Variants in MNAT1 observed in about 807,000 individuals in gnomAD.
The protein encoded by MNAT1 is CDK-activating kinase assembly factor MAT1.
In MNAT1, 43 loss-of-function variants were observed where a neutral mutation model predicts 42.0. The ratio of observed to expected loss-of-function variants is 1.02; its 90% CI spans 0.80 to 1.32. The LOEUF (loss-of-function observed/expected upper bound fraction) is 1.32. MNAT1 is among the 40% of genes most tolerant of loss of function. The probability of loss-of-function intolerance (pLI) is 0.00; values close to 1 mark genes in which losing one functional copy is unlikely to be tolerated. For missense variants in MNAT1, 306 were observed against 350.4 expected (o/e 0.87, Z 1.01); for synonymous variants, 118 against 120.0 (o/e 0.98, Z 0.11).
intron 7 of MNAT1, among the ~76,000 whole-genome samples, chr14:60,965,384 A>G (rs1449520262): frequency 6.6e-6 from 1 of 152,226 alleles, no homozygotes; most frequent in Non-Finnish European, 1.5e-5. Flanking sequence ...ATAAAGCTGA[A>G]CTGTTTTATA....
intron 3 of MNAT1, among the ~76,000 whole-genome samples, chr14:60,804,942 T>C (rs191477703): frequency 1.3e-5 from 2 of 152,212 alleles, no homozygotes; most frequent in Admixed American, 6.5e-5. Flanking sequence ...ACAGTGTTTT[T>C]TAAACTGTTT....
At chr14:60,922,495 T>C (rs2035682205) in intron 7 of MNAT1, among the ~76,000 whole-genome samples, 1 of 152,142 alleles carries the variant, frequency 6.6e-6, no homozygotes, top group African/African-American at 2.4e-5. Flanking sequence ...TGATTACCAA[T>C]GTTGTAGTTA....
At chr14:60,880,010 C>T (rs745516921) in intron 7 of MNAT1, 175 bp downstream of exon 7, 43 of 481,146 alleles carry the variant, frequency 8.9e-5, no homozygotes, top group Non-Finnish European at 1.3e-4. Context: ...TTTCTGTGGA[C>T]TTGTTAGGTC....
intron 7 of MNAT1, among the ~76,000 whole-genome samples, chr14:60,917,201 G>T (rs145171876): frequency 6.6e-6 from 1 of 152,150 alleles, no homozygotes; most frequent in Non-Finnish European, 1.5e-5. Flanking sequence ...AGAGGTTGGC[G>T]TAGCCTCAGG....
chr14:60,869,397 T>C (rs1324655212), intron 6 of MNAT1, among the ~76,000 whole-genome samples: 2 of 152,082 alleles, frequency 1.3e-5, no homozygotes, highest in Non-Finnish European at 2.9e-5. Flanking sequence ...AGCAGCTTTT[T>C]GGTGCCAAGC....
intron 7 of MNAT1, among the ~76,000 whole-genome samples, chr14:60,955,867 A>G (rs1566578633): frequency 2.0e-5 from 3 of 151,000 alleles, no homozygotes; most frequent in Admixed American, 1.3e-4. Context: ...CTCCTCCTTC[A>G]TTTCTAATTT....
At chr14:60,770,168 A>C (rs2030997282) in intron 1 of MNAT1, among the ~76,000 whole-genome samples, 1 of 152,152 alleles carries the variant, frequency 6.6e-6, no homozygotes, top group African/African-American at 2.4e-5. Flanking sequence ...TACTTCATAC[A>C]AGTGGAATTA....
chr14:60,945,354 GA>G (rs1013422120), intron 7 of MNAT1, among the ~76,000 whole-genome samples: 42 of 145,996 alleles, frequency 2.9e-4, no homozygotes, highest in African/African-American at 9.5e-4. Context: ...CCCTTTGCCA[GA>G]AAAAAAAAAT....
rs571925999 is a variant in MNAT1 at position 60,839,737 on chromosome 14, G to A, written c.687+20890G>A. Among the ~76,000 whole-genome samples the A allele has an allele frequency of 3.3e-5, 5 of 152,338 alleles. No homozygotes were observed. In the East Asian group the frequency reaches 9.6e-4, roughly 29 times the overall value. On this transcript the variant is annotated intron_variant, in intron 6 of 7. Transcript: ENST00000261245. Reference sequence around the variant, plus strand: ...ATGTTCCTCTTGTCCAGACGTGGGTGCCTGCAGTGGAAGCCACTTGCGGTG... The same window carrying A: ...ATGTTCCTCTTGTCCAGACGTGGGTACCTGCAGTGGAAGCCACTTGCGGTG...
chr14:60,873,926 A>G (rs534092632), intron 6 of MNAT1, among the ~76,000 whole-genome samples: 5 of 152,296 alleles, frequency 3.3e-5, no homozygotes, highest in African/African-American at 9.6e-5. Flanking sequence ...TTGATTGAAC[A>G]TTTAGTTTCC....
chr14:60,835,145 T>A lies in MNAT1; in HGVS notation c.687+16298T>A, dbSNP rs553467712. On this transcript the variant is annotated intron_variant, in intron 6 of 7. Coordinates refer to ENST00000261245, the MANE Select transcript of MNAT1 (RefSeq NM_002431.4). ...CCTTTATTTTGAGCCTGTGTGTTTCTTTGCACGTGAGATGGATCTCCTGAA... is the reference window on the plus strand; with the variant it reads ...CCTTTATTTTGAGCCTGTGTGTTTCATTGCACGTGAGATGGATCTCCTGAA... Among the ~76,000 whole-genome samples the A allele has an allele frequency of 3.9e-5, 6 of 152,246 alleles. No individual in the cohort carries two copies. In the East Asian group the frequency reaches 9.6e-4, roughly 24 times the overall value.
rs1202622915 is a variant in MNAT1 at position 60,969,163 on chromosome 14, T to C, written c.*814T>C. ...TACAGTTCCCTATGTATAAATTGTA[T>C]ACTGATACAGTTTTTTTGTTGAAAC... On this transcript the variant is annotated 3_prime_UTR_variant, in exon 8 of 8. Coordinates refer to ENST00000261245, the MANE Select transcript of MNAT1 (RefSeq NM_002431.4). The C allele has an allele frequency of 6.6e-6, 1 of 152,254 alleles. No individual in the cohort carries two copies. The highest frequency in any genetic ancestry group is 1.5e-5 in the Non-Finnish European group (1 of 68,060). 9.4% of individuals were successfully genotyped at this position (152,254 alleles called of 1,614,324 possible). A position where few individuals can be genotyped will look rare whatever the true frequency, so the allele number is the denominator to read the frequency against.
At chr14:60,948,298 G>A (rs745370918) in intron 7 of MNAT1, among the ~76,000 whole-genome samples, 1 of 152,040 alleles carries the variant, frequency 6.6e-6, no homozygotes, top group Admixed American at 6.5e-5. Context: ...GGGCATGGTG[G>A]TGCATGCCTG....
intron 3 of MNAT1, among the ~76,000 whole-genome samples, chr14:60,807,799 C>T (rs1413714456): frequency 6.6e-6 from 1 of 151,970 alleles, no homozygotes; most frequent in South Asian, 2.1e-4. Flanking sequence ...TAAGTTCCAA[C>T]TCCTTTATTT....
At chr14:60,781,514 G>A (rs990418582) in intron 1 of MNAT1, among the ~76,000 whole-genome samples, 6 of 152,120 alleles carry the variant, frequency 3.9e-5, no homozygotes, top group Admixed American at 3.3e-4. Context: ...GGGTCTTGCT[G>A]ATCTCAAACT....
At chr14:60,909,552 T>C (rs2035297073) in intron 7 of MNAT1, among the ~76,000 whole-genome samples, 1 of 152,164 alleles carries the variant, frequency 6.6e-6, no homozygotes. Context: ...GGTTAGCCAG[T>C]TTTCCCAGCA....
At chr14:60,783,631 G>C (rs561667340) in intron 1 of MNAT1, among the ~76,000 whole-genome samples, 2 of 152,084 alleles carry the variant, frequency 1.3e-5, no homozygotes, top group Admixed American at 1.3e-4. Context: ...CGAGTAGCTG[G>C]GACTACAGGC....
rs934133449 is a variant in MNAT1 at position 60,968,381 on chromosome 14, C to T, written c.*32C>T. ...ATAAGATTTGGACCTTGGAGCTGAACCAGGGAGCTAGCAAAAGTAAAGCAG... is the reference window on the plus strand; with the variant it reads ...ATAAGATTTGGACCTTGGAGCTGAATCAGGGAGCTAGCAAAAGTAAAGCAG... On this transcript the variant is annotated 3_prime_UTR_variant, in exon 8 of 8. Transcript: ENST00000261245. The T allele has an allele frequency of 6.3e-7, 1 of 1,596,612 alleles. No homozygotes were observed. Among genetic ancestry groups the T allele is most frequent in the South Asian group, 1.1e-5 (1 of 88,724 alleles).
chr14:60,924,978 A>G (rs2882703), intron 7 of MNAT1, among the ~76,000 whole-genome samples: 151,967 of 152,342 alleles, frequency 1, 75,800 homozygotes, highest in Middle Eastern at 1. Flanking sequence ...GTAAGTAAAT[A>G]TGTTACATTG....
Sources: gnomAD v4.1 joint callset for allele counts (sites outside exome capture counted in the v4.1 genomes callset) on GRCh38, gnomAD v4.1.1 for gene constraint, MANE v1.5 for transcripts, NCBI Gene and HGNC (gene_info 2026-07-23, HGNC 2026-07-21) for gene names.